LRRC4C: variants seen among roughly 807,000 people sequenced by gnomAD.
LRRC4C encodes leucine rich repeat containing 4C.
In LRRC4C, 5 loss-of-function variants were observed where a neutral mutation model predicts 33.6. That is an observed-to-expected ratio of 0.15 (90% confidence interval 0.08 to 0.31). The LOEUF (loss-of-function observed/expected upper bound fraction) is 0.31, where lower values mean the gene tolerates loss of function less well. Among genes scored for constraint, LRRC4C ranks in the 10% least tolerant of loss-of-function variants. LRRC4C has a pLI of 1.00. For synonymous variants in LRRC4C, 329 were observed against 302.0 expected, an observed-to-expected ratio of 1.09 and a Z score of -0.93; for missense variants, 560 against 796.7, an observed-to-expected ratio of 0.70 and a Z score of 3.58.
intron 3 of LRRC4C, among the ~76,000 whole-genome samples, chr11:40,600,451 AG>A (rs1417351150): frequency 2.0e-5 from 3 of 152,306 alleles, no homozygotes; most frequent in Non-Finnish European, 2.9e-5. Context: ...TCAATTACTA[AG>A]TGGTTTTTCA....
intron 5 of LRRC4C, among the ~76,000 whole-genome samples, chr11:40,167,539 TCA>T (rs1316159765): frequency 6.6e-6 from 1 of 152,152 alleles, no homozygotes; most frequent in African/African-American, 2.4e-5. Flanking sequence ...TCGGTAGTTC[TCA>T]GTTTTCCACT....
intron 1 of LRRC4C, among the ~76,000 whole-genome samples, chr11:41,369,188 C>T (rs1056268458): frequency 7.2e-5 from 11 of 152,140 alleles, no homozygotes; most frequent in African/African-American, 2.4e-4. Flanking sequence ...AAGATAAATA[C>T]ATATGCACAA....
At chr11:40,268,665 G>A (rs1189344554) in intron 4 of LRRC4C, among the ~76,000 whole-genome samples, 4 of 151,864 alleles carry the variant, frequency 2.6e-5, no homozygotes, top group South Asian at 2.1e-4. Context: ...AAAAAAATCA[G>A]CAAAAAAAAT....
chr11:41,021,206 AGAGAGAGAGTGTGTGT>A (rs1855953580), intron 1 of LRRC4C, among the ~76,000 whole-genome samples: 3 of 84,202 alleles, frequency 3.6e-5, no homozygotes, highest in African/African-American at 1.1e-4. Context: ...AGAGAGAGAG[AGAGAGAGAGTGTGTGT>A]GTGTGTGTGT....
intron 1 of LRRC4C, among the ~76,000 whole-genome samples, chr11:41,340,545 G>T (rs1951595811): frequency 6.6e-6 from 1 of 152,164 alleles, no homozygotes; most frequent in South Asian, 2.1e-4. Context: ...ATTAGTAAAA[G>T]AGGAGACTAA....
intron 2 of LRRC4C, among the ~76,000 whole-genome samples, chr11:40,667,821 TTGTAGTAGTAGGTATCTC>T (rs1234389198): frequency 6.6e-6 from 1 of 152,174 alleles, no homozygotes; most frequent in Admixed American, 6.5e-5. Flanking sequence ...AACCCCTTGC[TTGTAGTAGTAGGTATCTC>T]TGTGCAGAGG....
At chr11:40,436,424 TG>T (rs1214485282) in intron 3 of LRRC4C, among the ~76,000 whole-genome samples, 2 of 151,830 alleles carry the variant, frequency 1.3e-5, no homozygotes, top group Non-Finnish European at 2.9e-5. Context: ...GAAGTAGGAG[TG>T]TGACTTGAGT....
chr11:40,326,063 TAA>T (rs746566979), intron 3 of LRRC4C, among the ~76,000 whole-genome samples: 20 of 106,596 alleles, frequency 1.9e-4, no homozygotes, highest in Admixed American at 1.9e-4. Flanking sequence ...TTGGAAAACC[TAA>T]AAAAAAAAAA....
At chr11:41,121,911 G>A (rs961453375) in intron 1 of LRRC4C, among the ~76,000 whole-genome samples, 11 of 140,738 alleles carry the variant, frequency 7.8e-5, no homozygotes, top group African/African-American at 2.8e-4. Context: ...AAATGCAGAG[G>A]TGTTGTCATC....
At chr11:41,144,977 A>C (rs1943665865) in intron 1 of LRRC4C, among the ~76,000 whole-genome samples, 1 of 152,172 alleles carries the variant, frequency 6.6e-6, no homozygotes, top group African/African-American at 2.4e-5. Context: ...CAAAGTGAGC[A>C]AGTTATTTAG....
intron 2 of LRRC4C, among the ~76,000 whole-genome samples, chr11:40,714,453 G>A (rs562395963): frequency 2.6e-5 from 4 of 152,156 alleles, no homozygotes; most frequent in Non-Finnish European, 5.9e-5. Context: ...AGTCCCATTT[G>A]GCCAACCACA....
intron 1 of LRRC4C, among the ~76,000 whole-genome samples, chr11:41,365,252 T>G (rs899330363): frequency 1.4e-4 from 21 of 151,990 alleles, no homozygotes; most frequent in Non-Finnish European, 5.9e-5. Flanking sequence ...CTAGGTTGTG[T>G]GCTCCTTATG....
At chr11:41,231,203 T>C (rs1311797910) in intron 1 of LRRC4C, among the ~76,000 whole-genome samples, 1 of 152,150 alleles carries the variant, frequency 6.6e-6, no homozygotes, top group African/African-American at 2.4e-5. Flanking sequence ...GAAGTCAGTG[T>C]GGTGATTCCT....
intron 3 of LRRC4C, among the ~76,000 whole-genome samples, chr11:40,572,284 A>C (rs1194958857): frequency 1.3e-5 from 2 of 152,192 alleles, no homozygotes; most frequent in East Asian, 1.9e-4. Flanking sequence ...GTCCAGACCC[A>C]GGTTTAGATG....
intron 3 of LRRC4C, among the ~76,000 whole-genome samples, chr11:40,329,739 T>C (rs1317508021): frequency 2.1e-4 from 1 of 4,696 alleles, no homozygotes; most frequent in Non-Finnish European, 3.5e-3. Flanking sequence ...TTCTTTTTCT[T>C]TTTTTTTTTT....
intron 1 of LRRC4C, among the ~76,000 whole-genome samples, chr11:40,984,642 A>G (rs1852856287): frequency 6.6e-6 from 1 of 152,150 alleles, no homozygotes; most frequent in African/African-American, 2.4e-5. Flanking sequence ...AAGAATTTAC[A>G]TCTAAATTAC....
chr11:40,334,465 C>T (rs981285575), intron 3 of LRRC4C, among the ~76,000 whole-genome samples: 6 of 152,124 alleles, frequency 3.9e-5, no homozygotes, highest in African/African-American at 1.4e-4. Context: ...CACAGCAGTA[C>T]ACCACCAAAT....
intron 2 of LRRC4C, among the ~76,000 whole-genome samples, chr11:40,912,748 T>C (rs367859837): frequency 0.061 from 9,231 of 152,034 alleles, 359 homozygotes; most frequent in Admixed American, 0.15. Flanking sequence ...AGACACAGAC[T>C]GGCAAATTGG....
intron 3 of LRRC4C, among the ~76,000 whole-genome samples, chr11:40,527,780 C>T (rs1956114881): frequency 6.6e-6 from 1 of 151,604 alleles, no homozygotes. Flanking sequence ...CAGAGTGTCA[C>T]TCTTGTTACC....
Sources: allele counts gnomAD v4.1 joint callset (sites outside exome capture counted in the v4.1 genomes callset), GRCh38; gene constraint gnomAD v4.1.1; transcripts MANE v1.5; gene names NCBI Gene and HGNC (gene_info 2026-07-23, HGNC 2026-07-21).